PCDHGB3: variants seen among roughly 807,000 people sequenced by gnomAD.
The protein encoded by PCDHGB3 is protocadherin gamma subfamily B, 3, also known as protocadherin gamma-B3.
PCDHGB3 carries 40 observed loss-of-function variants against 59.2 expected under a neutral mutation model. That is an observed-to-expected ratio of 0.68 (90% CI 0.52 to 0.88). The LOEUF (loss-of-function observed/expected upper bound fraction) is 0.88, where lower values mean the gene tolerates loss of function less well. Ranked by LOEUF, PCDHGB3 falls within the 40% of genes least tolerant of loss-of-function variation. The pLI, the probability that PCDHGB3 is intolerant of heterozygous loss-of-function variation, is 0.00. For synonymous variants in PCDHGB3, 581 were observed against 503.6 expected (o/e 1.15, Z -2.06); for missense variants, 1,309 against 1,187.9 (o/e 1.10, Z -1.50).
At chr5:141,472,980 C>CAAAAAAAAAAAAAAAAAAAAAA (rs60579131) in intron 1 of PCDHGB3, among the ~76,000 whole-genome samples, 6 of 86,102 alleles carry the variant, frequency 7.0e-5, no homozygotes, top group African/African-American at 1.2e-4. Flanking sequence ...GAGTGAAACT[C>CAAAAAAAAAAAAAAAAAAAAAA]AAAAAAAAAA....
intron 1 of PCDHGB3, among the ~76,000 whole-genome samples, chr5:141,405,996 G>A (rs2094743914): frequency 6.6e-6 from 1 of 151,746 alleles, no homozygotes; most frequent in Non-Finnish European, 1.5e-5. Flanking sequence ...GTAGCTCTCA[G>A]CCTGCATTGA....
At chr5:141,448,602 A>G (rs1350132402) in intron 1 of PCDHGB3, among the ~76,000 whole-genome samples, 1 of 152,154 alleles carries the variant, frequency 6.6e-6, no homozygotes, top group Non-Finnish European at 1.5e-5. Flanking sequence ...AAAATACTAT[A>G]CACCACTTTA....
intron 1 of PCDHGB3, among the ~76,000 whole-genome samples, chr5:141,400,896 A>G (rs193291751): frequency 2.6e-5 from 4 of 152,214 alleles, no homozygotes; most frequent in Admixed American, 2.6e-4. Context: ...TAATCATTTA[A>G]TTCATCTTTT....
intron 1 of PCDHGB3, among the ~76,000 whole-genome samples, chr5:141,472,677 C>T (rs1275941416): frequency 6.6e-6 from 1 of 151,658 alleles, no homozygotes; most frequent in Non-Finnish European, 1.5e-5. Context: ...ACTGGTCCTT[C>T]CATTTCCCCT....
Position 141,408,177 on chromosome 5 carries a change from G to A in PCDHGB3, c.2415+35368G>A, listed in dbSNP as rs1359754385. 7.2e-6 allele frequency: 11 copies of A among 1,534,346 alleles called. 1 individual carries two copies. In the South Asian group the frequency reaches 1.3e-4, roughly 19 times the overall value. ...GCACTTTCTCCAACTGGAAAAGCGGGGACCCAGCGAGAACCCGAGCGAACG... is the reference window on the plus strand; with the variant it reads ...GCACTTTCTCCAACTGGAAAAGCGGAGACCCAGCGAGAACCCGAGCGAACG... On this transcript the variant is annotated intron_variant, in intron 1 of 3. Transcript: ENST00000576222.
At chr5:141,401,478 T>A (rs2094159554) in intron 1 of PCDHGB3, among the ~76,000 whole-genome samples, 1 of 152,186 alleles carries the variant, frequency 6.6e-6, no homozygotes. Flanking sequence ...TTTATCCAGG[T>A]TTTCTTGGAT....
intron 1 of PCDHGB3, chr5:141,383,629 C>T (rs769030453): frequency 6.2e-7 from 1 of 1,613,960 alleles, no homozygotes; most frequent in South Asian, 1.1e-5. Context: ...TGTCTTCTCT[C>T]TGCCTCAGTA....
intron 1 of PCDHGB3, chr5:141,383,409 C>T (rs199780721): frequency 1.2e-6 from 2 of 1,614,010 alleles, no homozygotes; most frequent in Non-Finnish European, 1.7e-6. Flanking sequence ...TCCAGAGTTA[C>T]CAGCTCAGCC....
At chr5:141,376,215 T>C in intron 1 of PCDHGB3, 1 of 1,614,216 alleles carries the variant, frequency 6.2e-7, no homozygotes, top group Non-Finnish European at 8.5e-7. Flanking sequence ...GTCATCGTGC[T>C]GCTGGCGCTC....
chr5:141,403,210 C>A (rs369033480), intron 1 of PCDHGB3: 2 of 1,613,828 alleles, frequency 1.2e-6, no homozygotes, highest in African/African-American at 2.7e-5. Context: ...CCTTGGTCAC[C>A]GCGGGTAGGA....
intron 1 of PCDHGB3, chr5:141,383,006 C>A (rs751850819): frequency 1.9e-6 from 3 of 1,613,640 alleles, no homozygotes; most frequent in Non-Finnish European, 2.5e-6. Context: ...TACTCCGTGT[C>A]GGAGGAGACG....
chr5:141,450,555 C>T (rs958577638), intron 1 of PCDHGB3, among the ~76,000 whole-genome samples: 4 of 151,710 alleles, frequency 2.6e-5, no homozygotes, highest in East Asian at 1.9e-4. Flanking sequence ...GGCGCAGTCT[C>T]GGCTCACTGC....
chr5:141,398,868 CAG>C, intron 1 of PCDHGB3: 1 of 1,613,982 alleles, frequency 6.2e-7, no homozygotes, highest in Non-Finnish European at 8.5e-7. Flanking sequence ...GAGACGTGTA[CAG>C]AGTCAGCCTT....
chr5:141,458,386 G>T (rs1037969327), intron 1 of PCDHGB3, among the ~76,000 whole-genome samples: 2 of 152,070 alleles, frequency 1.3e-5, no homozygotes, highest in African/African-American at 2.4e-5. Flanking sequence ...GAAGGAAGAC[G>T]CTCCCCCTTG....
At chr5:141,388,274 G>A (rs1340999969) in intron 1 of PCDHGB3, 1 of 1,590,544 alleles carries the variant, frequency 6.3e-7, no homozygotes, top group African/African-American at 1.5e-5. Context: ...ATGACCACAC[G>A]CCAAAATTCA....
intron 1 of PCDHGB3, among the ~76,000 whole-genome samples, chr5:141,447,279 A>G (rs1394174534): frequency 1.3e-5 from 2 of 152,156 alleles, no homozygotes; most frequent in African/African-American, 4.8e-5. Flanking sequence ...AGCTGGGACT[A>G]CAGGCACATG....
In PCDHGB3 at chr5:141,476,962, C is replaced by A. The variant is rs2099402286; in HGVS notation, c.2416-17845C>A. On this transcript the variant is annotated intron_variant, in intron 1 of 3. Coordinates refer to ENST00000576222, the MANE Select transcript of PCDHGB3 (RefSeq NM_018924.5). This position sits in a 1 kb window ranked among gnomAD's most constrained non-coding sequence, Gnocchi z 7.6. ...GCCCCAACGGTGAAATTATTTACTCCTTCGGCAGCCACAACCGCGCCGGCG... is the reference window on the plus strand; with the variant it reads ...GCCCCAACGGTGAAATTATTTACTCATTCGGCAGCCACAACCGCGCCGGCG... 2 of 1,614,200 alleles carry A rather than the reference C, an allele frequency of 1.2e-6. No individual in the cohort carries two copies. The highest frequency in any genetic ancestry group is 1.7e-6 in the Non-Finnish European group (2 of 1,180,042).
chr5:141,413,139 C>A, intron 1 of PCDHGB3: 1 of 1,553,028 alleles, frequency 6.4e-7, no homozygotes. Context: ...ACAACGTGTC[C>A]AGTGAGGACT....
At chr5:141,455,239 G>A (rs1034181635) in intron 1 of PCDHGB3, among the ~76,000 whole-genome samples, 1 of 151,898 alleles carries the variant, frequency 6.6e-6, no homozygotes, top group African/African-American at 2.4e-5. Context: ...AAATGTTAAA[G>A]GTCATAGTAC....
Sources: gnomAD v4.1 joint callset for allele counts (sites outside exome capture counted in the v4.1 genomes callset) on GRCh38, gnomAD v4.1.1 for gene constraint, Gnocchi (gnomAD v3.1) non-coding constraint, MANE v1.5 for transcripts, NCBI Gene and HGNC (gene_info 2026-07-23, HGNC 2026-07-21) for gene names.